Variants in TAPBPL observed in about 807,000 individuals in gnomAD.
The protein encoded by TAPBPL is tapasin-related protein.
A neutral mutation model predicts 44.8 loss-of-function variants in TAPBPL; 32 were observed. That is an observed-to-expected ratio of 0.71 (90% CI 0.54 to 0.96). TAPBPL has a LOEUF of 0.96. Among genes scored for constraint, TAPBPL ranks in the 40% least tolerant of loss-of-function variants. TAPBPL has a pLI of 0.00. For synonymous variants in TAPBPL, 230 were observed against 240.7 expected (o/e 0.96, Z 0.41); for missense variants, 520 against 586.6 (o/e 0.89, Z 1.17).
upstream of TAPBPL, chr12:6,452,009 G>C: frequency 3.5e-6 from 2 of 569,258 alleles, no homozygotes; most frequent in Admixed American, 6.2e-5. Flanking sequence ...TGGTGAGAAA[G>C]GAAACAGCAA....
Position 6,453,597 on chromosome 12 carries a change from C to G in TAPBPL, c.446C>G (p.Ser149Cys). The G allele has an allele frequency of 6.2e-7, 1 of 1,614,166 alleles. No individual in the cohort carries two copies. The highest frequency in any genetic ancestry group is 8.5e-7 in the Non-Finnish European group (1 of 1,180,018). ...AAWFMANMQV[S>C]GGGPSISLVM... ...TGGTTCATGGCCAACATGCAGGTCT[C>G]TGGAGGGGGACCTAGCATCTCCTTG... Residue 149 changes from serine to cysteine, a missense_variant, in exon 3 of 7, where the codon TCT (serine) becomes TGT (cysteine). Physicochemically the swap from Ser to Cys is moderately radical, Grantham distance 112. Coordinates refer to ENST00000266556, the MANE Select transcript of TAPBPL (RefSeq NM_018009.5). The surrounding 1 kb of genome is among the most constrained non-coding windows in gnomAD (Gnocchi z 4.8).
At chr12:6,452,376 C>G (rs201538028) in intron 1 of TAPBPL, 64 bp downstream of exon 1, 1 of 1,530,376 alleles carries the variant, frequency 6.5e-7, no homozygotes, top group African/African-American at 1.4e-5. Flanking sequence ...GGGTGCCACC[C>G]TCCCCGAGAT....
At chr12:6,466,166 C>T, downstream of TAPBPL, 2 of 1,613,232 alleles carry the variant, frequency 1.2e-6, no homozygotes, top group East Asian at 2.2e-5. Context: ...ATAAGAAGTT[C>T]CCTTTTGTTT....
downstream of TAPBPL, chr12:6,465,040 A>G: frequency 3.2e-6 from 5 of 1,560,056 alleles, no homozygotes; most frequent in Non-Finnish European, 3.5e-6. Context: ...TCCTTGGGAC[A>G]ATGGAAAAAA....
chr12:6,453,094 G>T lies in TAPBPL; in HGVS notation c.92G>T (p.Arg31Leu). Residue 31 changes from arginine to leucine, a missense_variant, in exon 2 of 7, where the codon CGG becomes CTG. Coordinates refer to ENST00000266556, the MANE Select transcript of TAPBPL (RefSeq NM_018009.5). This position sits in a 1 kb window ranked among gnomAD's most constrained non-coding sequence, Gnocchi z 4.8. ...CCCCACCCAGCAGAGGGGCAGTGGCGGGCAGTGGACGTGGTCCTAGACTGC... is the reference window on the plus strand; with the variant it reads ...CCCCACCCAGCAGAGGGGCAGTGGCTGGCAGTGGACGTGGTCCTAGACTGC... Reference protein sequence around the residue: ...TKPHPAEGQWRAVDVVLDCFL... With the variant: ...TKPHPAEGQWLAVDVVLDCFL... 6.3e-7 allele frequency: 1 copy of T among 1,577,210 alleles called. No homozygotes were observed. Among genetic ancestry groups the T allele is most frequent in the Non-Finnish European group, 8.6e-7 (1 of 1,161,280 alleles).
downstream of TAPBPL, chr12:6,470,824 A>T: frequency 1.9e-6 from 1 of 529,330 alleles, no homozygotes; most frequent in Non-Finnish European, 3.4e-6. Flanking sequence ...GCCAGTCACA[A>T]CTCTCCTCTC....
Position 6,457,543 on chromosome 12 carries a change from G to C in TAPBPL, c.703G>C (p.Gly235Arg). ...VEWRLQHKGR[G>R]QLVYSWTAGQ... is the part of the protein sequence containing the mutation. ...GTGGCGACTGCAGCACAAGGGCAGGGGTCAGTTGGTGTACAGCTGGACCGC... is the reference window on the plus strand; with the variant it reads ...GTGGCGACTGCAGCACAAGGGCAGGCGTCAGTTGGTGTACAGCTGGACCGC... Residue 235 changes from glycine to arginine, a missense_variant, in exon 4 of 7, where the codon GGT becomes CGT. Physicochemically the swap from Gly to Arg is moderately radical, Grantham distance 125. Coordinates refer to ENST00000266556, the MANE Select transcript of TAPBPL (RefSeq NM_018009.5). The C allele has an allele frequency of 6.2e-7, 1 of 1,614,234 alleles. No homozygotes were observed. Among genetic ancestry groups the C allele is most frequent in the Non-Finnish European group, 8.5e-7 (1 of 1,180,048 alleles).
At chr12:6,471,011 G>C (rs577821822), downstream of TAPBPL, 1 of 157,712 alleles carries the variant, frequency 6.3e-6, no homozygotes, top group Non-Finnish European at 1.4e-5. This position sits in a 1 kb window ranked among gnomAD's most constrained non-coding sequence, Gnocchi z 4.0. Context: ...TCGCTAGGCA[G>C]TTACTGAAGA....
Position 6,460,867 on chromosome 12 carries a change from C to T in TAPBPL, c.1220C>T (p.Ala407Val). ...CTCTCACCTACAGAGCGGAGAACAGCCTTGGGAGTCATCTTTGCCAGCAGT... is the reference window on the plus strand; with the variant it reads ...CTCTCACCTACAGAGCGGAGAACAGTCTTGGGAGTCATCTTTGCCAGCAGT... ...TQVVPPERRTALGVIFASSLF... is the reference protein window; with the variant it reads ...TQVVPPERRTVLGVIFASSLF... Residue 407 changes from alanine (A) to valine (V), a missense_variant, in exon 6 of 7, where the codon GCC (alanine) becomes GTC (valine). Ala to Val is a moderately conservative substitution (Grantham distance 64). Coordinates refer to ENST00000266556, the MANE Select transcript of TAPBPL (RefSeq NM_018009.5). 6.2e-7 allele frequency: 1 copy of T among 1,614,102 alleles called. No individual in the cohort carries two copies. Among genetic ancestry groups the T allele is most frequent in the Non-Finnish European group, 8.5e-7 (1 of 1,179,992 alleles).
At position 6,455,791 on chromosome 12, in the gene TAPBPL, C is replaced by G. The variant is rs565966761; in HGVS notation, c.566-1615C>G. ...TTTTTTTTTTTTTTTTTAACAGTCT[C>G]ATTCTGTCTCCCAGGCTGGAGTGCA... On this transcript the variant is annotated intron_variant, in intron 3 of 6. Transcript: ENST00000266556. 2.3e-4 allele frequency among the ~76,000 whole-genome samples: 30 copies of G among 132,020 alleles called. No homozygotes were observed. The East Asian group carries it at 5.1e-3, about 23-fold the overall frequency. The allele number at this position is 132,020 out of a possible 152,430, so 86.6% of individuals were successfully genotyped here.
intron 4 of TAPBPL, 56 bp from the exon 5 acceptor site, chr12:6,458,589 C>T (rs998447259): frequency 3.2e-6 from 5 of 1,578,720 alleles, no homozygotes; most frequent in Non-Finnish European, 4.3e-6. Context: ...GCTTCAGGCT[C>T]CTCCGCTGTC....
chr12:6,457,863 C>A, intron 4 of TAPBPL, 119 bp downstream of exon 4: 2 of 1,113,722 alleles, frequency 1.8e-6, no homozygotes, highest in Non-Finnish European at 2.5e-6. Context: ...AATCCCACAA[C>A]TTAAATGCCA....
At chr12:6,456,125 A>AT (rs1010299870) in intron 3 of TAPBPL, among the ~76,000 whole-genome samples, 157 of 98,976 alleles carry the variant, frequency 1.6e-3, no homozygotes, top group South Asian at 4.5e-3. Flanking sequence ...TTGTCCCAAT[A>AT]TTTTTTTTTT....
downstream of TAPBPL, chr12:6,463,962 C>T: frequency 7.8e-7 from 1 of 1,290,262 alleles, no homozygotes. The surrounding 1 kb of genome is among the most constrained non-coding windows in gnomAD (Gnocchi z 4.0). Flanking sequence ...GGACTTTGGT[C>T]CACCCCCAGG....
chr12:6,463,665 TAGATA>T, downstream of TAPBPL: 2 of 1,086,358 alleles, frequency 1.8e-6, no homozygotes, highest in Non-Finnish European at 2.3e-6. The surrounding 1 kb of genome is among the most constrained non-coding windows in gnomAD (Gnocchi z 4.0). Context: ...ATTATTTGGC[TAGATA>T]AAACTACCAG....
rs1045546 is a variant in TAPBPL, at chr12:6,458,741, C to T, written c.1001C>T (p.Thr334Met). 0.19 allele frequency: 310,188 copies of T among 1,614,042 alleles called. 32,250 individuals are homozygous for T. Among genetic ancestry groups the T allele is most frequent in the Non-Finnish European group, 0.21 (251,943 of 1,179,980 alleles). The change falls in exon 5 of 7, where the codon ACG becomes ATG. Residue 334 changes from threonine (T) to methionine (M), a missense_variant. Coordinates refer to ENST00000266556, the MANE Select transcript of TAPBPL (RefSeq NM_018009.5). ...AGYYPLDVVV[T>M]WTREELGGSP... ...TATTACCCTCTGGATGTGGTGGTGA[C>T]GTGGACCCGAGAGGAGCTGGGTGGA...
In TAPBPL at chr12:6,458,670, G is replaced by T; in HGVS notation, c.930G>T (p.Leu310Phe). The T allele has an allele frequency of 6.2e-7, 1 of 1,614,042 alleles. No individual in the cohort carries two copies. Among genetic ancestry groups the T allele is most frequent in the Non-Finnish European group, 8.5e-7 (1 of 1,179,920 alleles). ...CTTCCCCTAAAGTACGACTGAGCTT[G>T]GCAAACGAAGCTCTGCTGCCCACCC... ...IQASPKVRLS[L>F]ANEALLPTLI... Residue 310 changes from leucine to phenylalanine, a missense_variant, in exon 5 of 7, where the codon TTG becomes TTT. Coordinates refer to ENST00000266556, the MANE Select transcript of TAPBPL (RefSeq NM_018009.5).
downstream of TAPBPL, among the ~76,000 whole-genome samples, chr12:6,467,578 T>C (rs1392338638): frequency 6.6e-6 from 1 of 152,178 alleles, no homozygotes; most frequent in East Asian, 1.9e-4. Flanking sequence ...AAAAAAACCA[T>C]TTTTTTGAGA....
intron 5 of TAPBPL, 52 bp from the exon 6 acceptor site, chr12:6,460,802 AG>A: frequency 6.3e-7 from 1 of 1,580,580 alleles, no homozygotes; most frequent in African/African-American, 1.3e-5. Context: ...GTGAGGGCTC[AG>A]CTCATGATTC....
Sources: allele counts gnomAD v4.1 joint callset (sites outside exome capture counted in the v4.1 genomes callset), GRCh38; gene constraint gnomAD v4.1.1; non-coding constraint Gnocchi (gnomAD v3.1); transcripts MANE v1.5; gene names NCBI Gene and HGNC (gene_info 2026-07-23, HGNC 2026-07-21).